Variants in SUMF1 observed in about 807,000 individuals in gnomAD.
SUMF1 encodes the protein sulfatase modifying factor 1, also known as formylglycine-generating enzyme.
SUMF1 carries 48 observed loss-of-function variants against 47.6 expected under a neutral mutation model. The observed-to-expected ratio is 1.01, with a 90% CI of 0.80 to 1.28. SUMF1 has a LOEUF of 1.28. Ranked by LOEUF, SUMF1 falls within the 50% of genes most tolerant of loss-of-function variation. The pLI is 0.00. For missense variants in SUMF1, 571 were observed against 485.4 expected (o/e 1.18, Z -1.66); for synonymous variants, 230 against 192.1 (o/e 1.20, Z -1.63).
At chr3:4,445,329 T>TTTTG (rs1372055284) in intron 3 of SUMF1, among the ~76,000 whole-genome samples, 1 of 151,978 alleles carries the variant, frequency 6.6e-6, no homozygotes, top group Non-Finnish European at 1.5e-5. Flanking sequence ...ATATGGCTTG[T>TTTTG]TTTTGTTTTG....
chr3:4,096,106 C>T (rs759628167), intron 8 of SUMF1, among the ~76,000 whole-genome samples: 1 of 152,134 alleles, frequency 6.6e-6, no homozygotes, highest in Non-Finnish European at 1.5e-5. Flanking sequence ...TTTGTAAAGA[C>T]TGTATGGTCT....
At chr3:4,259,766 T>C (rs1368977614) in intron 8 of SUMF1, among the ~76,000 whole-genome samples, 1 of 152,150 alleles carries the variant, frequency 6.6e-6, no homozygotes, top group Admixed American at 6.6e-5. Flanking sequence ...ATATATTACA[T>C]TTTTTCAGAT....
chr3:4,111,786 A>C (rs1034063949), intron 8 of SUMF1, among the ~76,000 whole-genome samples: 2 of 152,274 alleles, frequency 1.3e-5, no homozygotes, highest in Admixed American at 1.3e-4. Context: ...GAATGTGTTT[A>C]CGTGTATGTA....
intron 9 of SUMF1, among the ~76,000 whole-genome samples, chr3:4,047,306 G>A (rs1464019442): frequency 3.3e-5 from 5 of 152,208 alleles, no homozygotes; most frequent in African/African-American, 1.2e-4. Context: ...TAAGAGCAGG[G>A]ACCTTACCTA....
At chr3:4,413,036 G>C (rs1201953132) in intron 6 of SUMF1, among the ~76,000 whole-genome samples, 1 of 151,894 alleles carries the variant, frequency 6.6e-6, no homozygotes, top group Non-Finnish European at 1.5e-5. Context: ...ACAGGGTCTT[G>C]CTCTGTCACC....
At chr3:4,282,993 T>G (rs988565819) in intron 8 of SUMF1, among the ~76,000 whole-genome samples, 1 of 152,186 alleles carries the variant, frequency 6.6e-6, no homozygotes, top group African/African-American at 2.4e-5. Flanking sequence ...ACAAAATGAA[T>G]TAGATGACTG....
chr3:4,139,083 T>C (rs1574917976), intron 8 of SUMF1, among the ~76,000 whole-genome samples: 1 of 152,138 alleles, frequency 6.6e-6, no homozygotes, highest in African/African-American at 2.4e-5. Flanking sequence ...ATTTTCCTAA[T>C]AACAAAACTA....
At chr3:4,111,965 G>A (rs1295585806) in intron 8 of SUMF1, among the ~76,000 whole-genome samples, 1 of 151,908 alleles carries the variant, frequency 6.6e-6, no homozygotes, top group Non-Finnish European at 1.5e-5. Flanking sequence ...GTAGATATTA[G>A]GATGGCAATT....
intron 8 of SUMF1, among the ~76,000 whole-genome samples, chr3:4,262,779 A>C (rs1378212512): frequency 6.6e-6 from 1 of 152,190 alleles, no homozygotes; most frequent in African/African-American, 2.4e-5. Flanking sequence ...GCAACTGTCC[A>C]TGAGGCCATG....
chr3:4,045,323 C>T (rs1694984978), intron 9 of SUMF1, among the ~76,000 whole-genome samples: 1 of 151,858 alleles, frequency 6.6e-6, no homozygotes, highest in Non-Finnish European at 1.5e-5. Flanking sequence ...TTTGAAATTA[C>T]CTAGCGGCCC....
In SUMF1 at chr3:4,410,830, C is replaced by A. The variant is rs760321692; in HGVS notation, c.954+35G>T. 8.2e-6 allele frequency: 13 copies of A among 1,588,448 alleles called. No individual in the cohort carries two copies. The African/African-American group carries it at 1.6e-4, about 20-fold the overall frequency. On this transcript the variant is annotated intron_variant, in intron 7 of 8. Transcript: ENST00000272902. ...AGACTGCCCAGAGGACAGATGCCAC[C>A]ATTCCAAGACACATGCTCTGTGAAT...
At chr3:4,402,205 C>T (rs954870322) in intron 7 of SUMF1, among the ~76,000 whole-genome samples, 2 of 152,100 alleles carry the variant, frequency 1.3e-5, no homozygotes, top group Non-Finnish European at 2.9e-5. Context: ...GAAGAAAATC[C>T]TTTCACCACT....
chr3:4,353,189 G>A (rs1418931084), intron 8 of SUMF1, among the ~76,000 whole-genome samples: 1 of 152,176 alleles, frequency 6.6e-6, no homozygotes, highest in Non-Finnish European at 1.5e-5. Context: ...GCTTGAGGCC[G>A]GGAGCTTAAG....
chr3:4,289,510 T>G (rs1477741314), intron 8 of SUMF1, among the ~76,000 whole-genome samples: 1 of 152,174 alleles, frequency 6.6e-6, no homozygotes, highest in Admixed American at 6.5e-5. Flanking sequence ...TAAAATAAGA[T>G]AGGAAGCTCT....
At chr3:4,452,070 T>A (rs1702992039) in intron 2 of SUMF1, among the ~76,000 whole-genome samples, 1 of 152,076 alleles carries the variant, frequency 6.6e-6, no homozygotes, top group Non-Finnish European at 1.5e-5. Context: ...TTGTTTTACT[T>A]TAAACATTCA....
chr3:4,187,128 G>A (rs1233008947), intron 8 of SUMF1, among the ~76,000 whole-genome samples: 1 of 152,156 alleles, frequency 6.6e-6, no homozygotes, highest in East Asian at 1.9e-4. Context: ...CCAGCACTTT[G>A]AGAGGCTGAG....
chr3:4,193,125 T>C (rs531663110), intron 8 of SUMF1, among the ~76,000 whole-genome samples: 1 of 152,238 alleles, frequency 6.6e-6, no homozygotes, highest in East Asian at 1.9e-4. Flanking sequence ...CATAATGTTC[T>C]ATATCTGTGA....
At chr3:4,173,843 C>A (rs949903852) in intron 8 of SUMF1, among the ~76,000 whole-genome samples, 4 of 151,990 alleles carry the variant, frequency 2.6e-5, no homozygotes, top group African/African-American at 9.7e-5. Context: ...AACACATGGA[C>A]ACAGGGAGGG....
At chr3:4,366,692 G>A (rs1048440068) in intron 8 of SUMF1, among the ~76,000 whole-genome samples, 22 of 152,156 alleles carry the variant, frequency 1.4e-4, no homozygotes, top group Admixed American at 1.3e-3. Flanking sequence ...TAGTTCAATC[G>A]TCTGAAGCCT....
Sources: allele counts gnomAD v4.1 joint callset (sites outside exome capture counted in the v4.1 genomes callset), GRCh38; gene constraint gnomAD v4.1.1; transcripts MANE v1.5; gene names NCBI Gene and HGNC (gene_info 2026-07-23, HGNC 2026-07-21).